DEPDC1: variants seen among roughly 807,000 people sequenced by gnomAD.
DEPDC1 encodes DEP domain containing 1.
Under a neutral mutation model 86.8 loss-of-function variants are expected in DEPDC1, and 66 were observed. The ratio of observed to expected loss-of-function variants is 0.76; its 90% confidence interval spans 0.62 to 0.93. The LOEUF (loss-of-function observed/expected upper bound fraction) is 0.93. Among genes scored for constraint, DEPDC1 ranks in the 40% least tolerant of loss-of-function variants. The pLI, the probability that DEPDC1 is intolerant of heterozygous loss-of-function variation, is 0.00. For missense variants in DEPDC1, 792 were observed against 935.7 expected, an observed-to-expected ratio of 0.85 and a Z score of 2.00; for synonymous variants, 255 against 314.9, an observed-to-expected ratio of 0.81 and a Z score of 2.02.
intron 7 of DEPDC1, chr1:68,483,627 T>A: frequency 3.7e-6 from 1 of 269,148 alleles, no homozygotes; most frequent in South Asian, 4.2e-5. Context: ...CCCACCCTCA[T>A]ACCGTGCTCT....
At chr1:68,484,116 A>G (rs1400256192) in intron 6 of DEPDC1, 26 bp from the exon 7 acceptor site, 15 of 1,487,276 alleles carry the variant, frequency 1.0e-5, no homozygotes, top group African/African-American at 4.4e-5. Flanking sequence ...CAAGAGAAAA[A>G]GGTAAAGTAT....
At chr1:68,495,600 A>G (rs543596385) in intron 1 of DEPDC1, among the ~76,000 whole-genome samples, 3 of 152,328 alleles carry the variant, frequency 2.0e-5, no homozygotes, top group African/African-American at 7.2e-5. Flanking sequence ...AATAAAAATG[A>G]CAGAAAGGGA....
intron 1 of DEPDC1, among the ~76,000 whole-genome samples, chr1:68,495,957 C>T (rs1646262039): frequency 6.6e-6 from 1 of 152,148 alleles, no homozygotes; most frequent in Admixed American, 6.5e-5. Flanking sequence ...ATTGAGGTTC[C>T]TTCCTGTCCT....
rs1408380329 is a variant in DEPDC1 at position 68,489,609 on chromosome 1, C to G, written c.315-1G>C. ...TTTAAGTGGCGAAGTTGCAGGAAAT[C>G]TGGTTTAAAAACAATAAGCAATTAA... On this transcript the variant is annotated splice_acceptor_variant, in intron 2 of 11. Transcript: ENST00000456315. LOFTEE classifies it high-confidence loss of function. The G allele has an allele frequency of 6.5e-7, 1 of 1,531,058 alleles. No individual in the cohort carries two copies. The highest frequency in any genetic ancestry group is 8.7e-7 in the Non-Finnish European group (1 of 1,150,648). 94.8% of individuals were successfully genotyped at this position (1,531,058 alleles called of 1,614,324 possible). A position where few individuals can be genotyped will look rare whatever the true frequency, so the allele number is the denominator to read the frequency against.
chr1:68,486,215 G>T (rs548658774), intron 6 of DEPDC1, among the ~76,000 whole-genome samples: 1 of 151,976 alleles, frequency 6.6e-6, no homozygotes, highest in South Asian at 2.1e-4. Context: ...AATCATGGGG[G>T]TGTATTTCCC....
At chr1:68,494,877 T>C (rs370489730) in intron 1 of DEPDC1, among the ~76,000 whole-genome samples, 182 bp from the exon 2 acceptor site, 5 of 152,332 alleles carry the variant, frequency 3.3e-5, no homozygotes, top group Admixed American at 2.6e-4. Context: ...GCACGGTGGC[T>C]CATGCCTGTA....
chr1:68,481,267 C>T (rs1646153405), intron 9 of DEPDC1, among the ~76,000 whole-genome samples, 173 bp downstream of exon 9: 1 of 151,964 alleles, frequency 6.6e-6, no homozygotes, highest in Non-Finnish European at 1.5e-5. Context: ...AGAGTGTGCA[C>T]AAAAGATTAA....
At chr1:68,487,407 G>T (rs1257178638) in intron 5 of DEPDC1, among the ~76,000 whole-genome samples, 1 of 151,944 alleles carries the variant, frequency 6.6e-6, no homozygotes, top group Admixed American at 6.6e-5. Flanking sequence ...GAAATGAACT[G>T]TATCTCACTA....
chr1:68,488,767 C>T (rs1030250067), intron 4 of DEPDC1, 149 bp downstream of exon 4: 1 of 680,564 alleles, frequency 1.5e-6, no homozygotes, highest in African/African-American at 1.8e-5. Flanking sequence ...AGAGCTATAA[C>T]AAGAGTATTT....
rs1414753786 is a variant in DEPDC1, at chr1:68,482,627, T to C, written c.1181A>G (p.Asp394Gly). The change falls in exon 8 of 12, where the codon GAC (aspartate) becomes GGC (glycine). Residue 394 changes from aspartate to glycine, a missense_variant. Physicochemically the swap from Asp to Gly is moderately conservative, Grantham distance 94. Coordinates refer to ENST00000456315, the MANE Select transcript of DEPDC1 (RefSeq NM_001114120.3). ...ATTATGACAACTTCCTCCCATTATG[T>C]CATTAGCACTCACTCTTCTGTTTCT... ...NLRNRRVSAN[D>G]IMGGSCHNLI... is the part of the protein sequence containing the mutation. 1 of 1,612,742 alleles carries C rather than the reference T, an allele frequency of 6.2e-7. No homozygotes were observed. The highest frequency in any genetic ancestry group is 2.2e-5 in the East Asian group (1 of 44,848).
chr1:68,494,391 A>G (rs1280542400), intron 2 of DEPDC1, 39 bp downstream of exon 2: 4 of 1,558,886 alleles, frequency 2.6e-6, no homozygotes, highest in Admixed American at 1.8e-5. Context: ...ATAAAACTTT[A>G]CAGTAATTCA....
intron 2 of DEPDC1, among the ~76,000 whole-genome samples, chr1:68,492,062 C>T (rs116639287): frequency 0.011 from 1,643 of 151,946 alleles, 27 homozygotes; most frequent in African/African-American, 0.038. Flanking sequence ...TGGCCCCATA[C>T]ATCAAATTTA....
At chr1:68,487,016 C>G in intron 5 of DEPDC1, 32 bp from the exon 6 acceptor site, 1 of 1,575,562 alleles carries the variant, frequency 6.3e-7, no homozygotes, top group Non-Finnish European at 8.6e-7. Context: ...ACTAAGTAAA[C>G]CATACATTTT....
chr1:68,489,559 AT>A lies in DEPDC1; in HGVS notation c.363del (p.Glu121AspfsTer2), dbSNP rs774418978. 1 of 1,541,798 alleles carries A rather than the reference AT, an allele frequency of 6.5e-7. No individual in the cohort carries two copies. The highest frequency in any genetic ancestry group is 1.3e-5 in the South Asian group (1 of 77,510). Reference sequence around the variant, plus strand: ...AAGTTCTCTATGTTGTTTTTTCTCAATTCTGGATACCTTCGTGGTAGAGTTT... The same window carrying A: ...AAGTTCTCTATGTTGTTTTTTCTCAATCTGGATACCTTCGTGGTAGAGTTT... ...PLKTLPRRYP[E>X]LRKNNIENFS... On this transcript the variant is annotated frameshift_variant, in exon 3 of 12. Transcript: ENST00000456315. LOFTEE classifies it high-confidence loss of function.
In DEPDC1 at chr1:68,474,968, T is replaced by G. The variant is rs1238480958; in HGVS notation, c.*1964A>C. Reference sequence around the variant, plus strand: ...TTTTTGCTAAGATCTCTTCTAGTGCTATAATCCTAGGTGATTCTAGTAAAA... The same window carrying G: ...TTTTTGCTAAGATCTCTTCTAGTGCGATAATCCTAGGTGATTCTAGTAAAA... On this transcript the variant is annotated 3_prime_UTR_variant, in exon 12 of 12. Transcript: ENST00000456315. 6.6e-6 allele frequency: 1 copy of G among 152,112 alleles called. No individual in the cohort carries two copies. The highest frequency in any genetic ancestry group is 1.5e-5 in the Non-Finnish European group (1 of 67,944). 9.4% of individuals were successfully genotyped at this position (152,112 alleles called of 1,614,324 possible).
chr1:68,482,800 C>A lies in DEPDC1; in HGVS notation c.1008G>T (p.Leu336Phe). ...QSSKFLHLNN[L>F]NSFKSTECLL... Reference sequence around the variant, plus strand: ...GGCACTCAGTTGATTTGAAGGAATTCAAATTGTTTAAGTGAAGGAATTTTG... The same window carrying A: ...GGCACTCAGTTGATTTGAAGGAATTAAAATTGTTTAAGTGAAGGAATTTTG... The change falls in exon 8 of 12, where the codon TTG becomes TTT. Residue 336 changes from leucine (L) to phenylalanine (F), a missense_variant. Coordinates refer to ENST00000456315, the MANE Select transcript of DEPDC1 (RefSeq NM_001114120.3). The A allele has an allele frequency of 4.3e-6, 7 of 1,612,272 alleles. No homozygotes were observed. The highest frequency in any genetic ancestry group is 5.9e-6 in the Non-Finnish European group (7 of 1,179,108).
At position 68,475,384 on chromosome 1, in the gene DEPDC1, T is replaced by A. The variant is rs1031448662; in HGVS notation, c.*1548A>T. The A allele has an allele frequency of 5.3e-5, 8 of 151,954 alleles. No homozygotes were observed. Among genetic ancestry groups the A allele is most frequent in the African/African-American group, 1.7e-4 (7 of 41,422 alleles). The allele number at this position is 151,954 out of a possible 1,614,324, so 9.4% of individuals were successfully genotyped here. ...ACATAATCCACATTTTACATATCTA[T>A]AAACAATAAACGTTTTAGTATTCAA... is the stretch of plus-strand genomic sequence containing the variant. On this transcript the variant is annotated 3_prime_UTR_variant, in exon 12 of 12. Coordinates refer to ENST00000456315, the MANE Select transcript of DEPDC1 (RefSeq NM_001114120.3).
chr1:68,487,894 C>T (rs2100262888), intron 5 of DEPDC1, among the ~76,000 whole-genome samples: 1 of 151,882 alleles, frequency 6.6e-6, no homozygotes, highest in East Asian at 1.9e-4. Flanking sequence ...AAGCCAGTCC[C>T]TTTAGAATCC....
chr1:68,482,951 A>G, intron 7 of DEPDC1, 54 bp from the exon 8 acceptor site: 1 of 1,502,604 alleles, frequency 6.7e-7, no homozygotes, highest in Non-Finnish European at 8.9e-7. Context: ...GTGGACAAAA[A>G]TAAAACAAAA....
Sources: gnomAD v4.1 joint callset for allele counts (sites outside exome capture counted in the v4.1 genomes callset) on GRCh38, gnomAD v4.1.1 for gene constraint, MANE v1.5 for transcripts, NCBI Gene and HGNC (gene_info 2026-07-23, HGNC 2026-07-21) for gene names.